The following RSBN1L variants were observed in gnomAD, a reference collection of about 807,000 sequenced individuals.
RSBN1L encodes the protein round spermatid basic protein 1 like.
RSBN1L carries 30 observed loss-of-function variants against 67.7 expected under a neutral mutation model. That is an observed-to-expected ratio of 0.44 (90% CI 0.33 to 0.60). The LOEUF is 0.60. Among genes scored for constraint, RSBN1L ranks in the 20% least tolerant of loss-of-function variants. The pLI is 0.02. For synonymous variants in RSBN1L, 433 were observed against 387.0 expected (o/e 1.12, Z -1.39); for missense variants, 992 against 1,031.7 (o/e 0.96, Z 0.53).
chr7:77,698,048 AAAAG>A (rs774228371), intron 1 of RSBN1L, among the ~76,000 whole-genome samples: 18 of 152,356 alleles, frequency 1.2e-4, no homozygotes, highest in Non-Finnish European at 2.4e-4. Context: ...GTTTTTTAGA[AAAAG>A]AAATGTCAAG....
At chr7:77,757,434 T>C (rs1191738740) in intron 3 of RSBN1L, among the ~76,000 whole-genome samples, 1 of 152,252 alleles carries the variant, frequency 6.6e-6, no homozygotes, top group Non-Finnish European at 1.5e-5. Flanking sequence ...GTTAGTGATA[T>C]ATTAGGAAAC....
At position 77,773,246 on chromosome 7, in the gene RSBN1L, A is replaced by C. The variant is rs748216954; in HGVS notation, c.1725A>C (p.Ile575=). 7 of 1,613,364 alleles carry C rather than the reference A, an allele frequency of 4.3e-6. No individual in the cohort carries two copies. The highest frequency in any genetic ancestry group is 5.9e-6 in the Non-Finnish European group (7 of 1,179,602). Residue 575 remains isoleucine, a synonymous_variant, in exon 6 of 8, where the codon ATA becomes ATC. Coordinates refer to ENST00000334955, the MANE Select transcript of RSBN1L (RefSeq NM_198467.3). ...GGACAAGAGCTCATGCAGATCATAT[A>C]GGACAAGGTTTTGAACGACAGACTA... is the stretch of plus-strand genomic sequence containing the variant. ...EDRTRAHADH[I]GQGFERQTTA...
intron 2 of RSBN1L, among the ~76,000 whole-genome samples, chr7:77,746,293 T>C (rs1791482965): frequency 6.6e-6 from 1 of 152,086 alleles, no homozygotes; most frequent in South Asian, 2.1e-4. Context: ...CTTTCAATTA[T>C]GGTGGAAGGT....
At chr7:77,704,921 A>G (rs753353759) in intron 1 of RSBN1L, among the ~76,000 whole-genome samples, 6 of 152,086 alleles carry the variant, frequency 3.9e-5, no homozygotes, top group Non-Finnish European at 7.4e-5. Flanking sequence ...GCAGTGAGCC[A>G]AGATGGCACC....
chr7:77,776,871 T>A (rs1330228681), intron 6 of RSBN1L, among the ~76,000 whole-genome samples: 2 of 152,054 alleles, frequency 1.3e-5, no homozygotes, highest in Non-Finnish European at 2.9e-5. Context: ...AATCTCTGTC[T>A]TTTAATTGGA....
intron 5 of RSBN1L, 80 bp downstream of exon 5, chr7:77,768,883 A>G (rs1791809022): frequency 6.5e-6 from 8 of 1,235,918 alleles, no homozygotes; most frequent in Non-Finnish European, 9.3e-6. Flanking sequence ...AATTGGAGGA[A>G]GGAGGAATGC....
chr7:77,734,291 T>C (rs1160598209), intron 1 of RSBN1L, among the ~76,000 whole-genome samples: 1 of 152,164 alleles, frequency 6.6e-6, no homozygotes, highest in Non-Finnish European at 1.5e-5. Flanking sequence ...TATACTTTAA[T>C]AAAATTTAAT....
chr7:77,758,269 C>T (rs561432294), intron 3 of RSBN1L, among the ~76,000 whole-genome samples: 2 of 152,290 alleles, frequency 1.3e-5, no homozygotes, highest in South Asian at 4.1e-4. Context: ...TCTTGTGCCT[C>T]AGTCACCCAA....
chr7:77,724,208 CTT>C (rs1243479814), intron 1 of RSBN1L, among the ~76,000 whole-genome samples: 1 of 151,744 alleles, frequency 6.6e-6, no homozygotes, highest in African/African-American at 2.4e-5. Context: ...CCTTTGGAAA[CTT>C]TTTTTAATGT....
intron 5 of RSBN1L, 104 bp downstream of exon 5, chr7:77,768,907 T>C (rs994199977): frequency 7.6e-6 from 7 of 916,898 alleles, no homozygotes; most frequent in Non-Finnish European, 1.0e-5. Flanking sequence ...GTTTAGAGCA[T>C]AATTGGAATA....
chr7:77,745,602 T>G (rs1791472154), intron 2 of RSBN1L, among the ~76,000 whole-genome samples: 1 of 152,134 alleles, frequency 6.6e-6, no homozygotes. Context: ...GGAAAGGATA[T>G]AAGAGTTGTC....
chr7:77,717,950 C>T (rs1402428155), intron 1 of RSBN1L, among the ~76,000 whole-genome samples: 4 of 152,108 alleles, frequency 2.6e-5, no homozygotes, highest in Admixed American at 6.6e-5. Context: ...ACCTGGCAGG[C>T]GGAGGCTGCA....
chr7:77,704,801 A>G (rs1357573299), intron 1 of RSBN1L, among the ~76,000 whole-genome samples: 1 of 152,046 alleles, frequency 6.6e-6, no homozygotes, highest in Non-Finnish European at 1.5e-5. Flanking sequence ...CAACATGGTA[A>G]AACCCTGTCT....
At chr7:77,714,787 C>T (rs1791024097) in intron 1 of RSBN1L, among the ~76,000 whole-genome samples, 2 of 151,738 alleles carry the variant, frequency 1.3e-5, no homozygotes, top group Non-Finnish European at 2.9e-5. Context: ...ACGGTGAAAC[C>T]CCGTTTCTAC....
chr7:77,743,544 G>T (rs1791442423), intron 2 of RSBN1L, among the ~76,000 whole-genome samples: 1 of 136,508 alleles, frequency 7.3e-6, no homozygotes, highest in African/African-American at 2.8e-5. Context: ...AGTACCTTTT[G>T]GTTTATCTTC....
At position 77,779,497 on chromosome 7, in the gene RSBN1L, CT is replaced by C. The variant is rs1791967740; in HGVS notation, c.*334del. On this transcript the variant is annotated 3_prime_UTR_variant, in exon 8 of 8. Transcript: ENST00000334955. ...ATATTTTGTAATATGAGCCAGAATT[CT>C]TTTTCAACAATTTAAAGCTTTTCCA... 1 of 148,894 alleles carries C rather than the reference CT, an allele frequency of 6.7e-6. No individual in the cohort carries two copies. Among genetic ancestry groups the C allele is most frequent in the South Asian group, 2.1e-4 (1 of 4,766 alleles). The allele number at this position is 148,894 out of a possible 1,614,324, so 9.2% of individuals were successfully genotyped here. A position where few individuals can be genotyped will look rare whatever the true frequency, so the allele number is the denominator to read the frequency against.
In RSBN1L at chr7:77,730,185, T is replaced by G. The variant is rs1007934428; in HGVS notation, c.587-6225T>G. Among the ~76,000 whole-genome samples the G allele has an allele frequency of 7.9e-5, 12 of 152,278 alleles. No individual in the cohort carries two copies. The South Asian group carries it at 2.5e-3, about 32-fold the overall frequency. On this transcript the variant is annotated intron_variant, in intron 1 of 7. Transcript: ENST00000334955. ...GTTTAAACTGTATCATAGGTCTGTT[T>G]GCATCTGTTTCTCCCACTCCCCTTT...
chr7:77,742,809 C>T (rs1791430898), intron 2 of RSBN1L, among the ~76,000 whole-genome samples: 2 of 152,142 alleles, frequency 1.3e-5, no homozygotes, highest in Admixed American at 1.3e-4. Flanking sequence ...TTGCACTGCA[C>T]CCTGGGCGAC....
intron 1 of RSBN1L, among the ~76,000 whole-genome samples, chr7:77,735,641 G>T (rs536921548): frequency 5.3e-5 from 8 of 152,190 alleles, no homozygotes; most frequent in African/African-American, 1.9e-4. Flanking sequence ...TTCCATCATG[G>T]TTTTGTAATC....
Sources: gnomAD v4.1 joint callset for allele counts (sites outside exome capture counted in the v4.1 genomes callset) on GRCh38, gnomAD v4.1.1 for gene constraint, MANE v1.5 for transcripts, NCBI Gene and HGNC (gene_info 2026-07-23, HGNC 2026-07-21) for gene names.